NAV2: variants seen among roughly 807,000 people sequenced by gnomAD.
NAV2 encodes the protein helicase, APC down-regulated 1.
A neutral mutation model predicts 223.2 loss-of-function variants in NAV2; 54 were observed. The ratio of observed to expected loss-of-function variants is 0.24; its 90% CI spans 0.19 to 0.30. The LOEUF (loss-of-function observed/expected upper bound fraction) is 0.30. Ranked by LOEUF, NAV2 falls within the 10% of genes least tolerant of loss-of-function variation. The pLI is 1.00. For missense variants in NAV2, 2,806 were observed against 3,147.5 expected (o/e 0.89, Z 2.60); for synonymous variants, 1,279 against 1,239.3 (o/e 1.03, Z -0.67).
chr11:19,728,669 T>C (rs1049683764), intron 1 of NAV2, among the ~76,000 whole-genome samples: 1 of 152,194 alleles, frequency 6.6e-6, no homozygotes, highest in African/African-American at 2.4e-5. Flanking sequence ...AATGCGATCA[T>C]GTGGATGAGG....
intron 1 of NAV2, among the ~76,000 whole-genome samples, chr11:19,467,073 A>G (rs1002600956): frequency 1.3e-5 from 2 of 151,758 alleles, no homozygotes; most frequent in African/African-American, 4.8e-5. Flanking sequence ...ATGGATATCT[A>G]TCTGTAATCC....
chr11:19,499,127 C>T (rs998936584), intron 1 of NAV2, among the ~76,000 whole-genome samples: 13 of 152,200 alleles, frequency 8.5e-5, no homozygotes, highest in African/African-American at 2.9e-4. Flanking sequence ...GTACACCAGG[C>T]AGGCACAGCT....
At chr11:19,585,249 C>G (rs1045804781) in intron 1 of NAV2, among the ~76,000 whole-genome samples, 4 of 152,072 alleles carry the variant, frequency 2.6e-5, no homozygotes, top group Non-Finnish European at 5.9e-5. Context: ...TTCCTCCATC[C>G]CTTTGTTTTG....
At chr11:20,040,520 G>A (rs149985539) in intron 12 of NAV2, among the ~76,000 whole-genome samples, 10 of 152,162 alleles carry the variant, frequency 6.6e-5, no homozygotes, top group Admixed American at 3.3e-4. Flanking sequence ...TGGCAGCACC[G>A]AACACTTGAA....
At chr11:19,452,584 C>A (rs1172620044) in intron 1 of NAV2, among the ~76,000 whole-genome samples, 2 of 152,204 alleles carry the variant, frequency 1.3e-5, no homozygotes, top group African/African-American at 4.8e-5. Context: ...CATCCTAAGT[C>A]AAAAATATGT....
At chr11:19,876,241 T>C (rs900127179) in intron 4 of NAV2, among the ~76,000 whole-genome samples, 1 of 152,146 alleles carries the variant, frequency 6.6e-6, no homozygotes, top group Admixed American at 6.5e-5. Flanking sequence ...TGAGCCAGGC[T>C]GGTTTCAATC....
At chr11:19,530,488 C>T (rs2043997505) in intron 1 of NAV2, among the ~76,000 whole-genome samples, 1 of 152,222 alleles carries the variant, frequency 6.6e-6, no homozygotes, top group Non-Finnish European at 1.5e-5. Flanking sequence ...ATTTCCTCTT[C>T]ATGCCTGAGA....
chr11:19,920,138 A>G (rs1262960063), intron 6 of NAV2, among the ~76,000 whole-genome samples: 1 of 152,196 alleles, frequency 6.6e-6, no homozygotes, highest in East Asian at 1.9e-4. Context: ...TGTCTCAAAA[A>G]ATAAGAAGAG....
At chr11:19,935,844 T>A (rs2045801901) in intron 7 of NAV2, among the ~76,000 whole-genome samples, 1 of 139,442 alleles carries the variant, frequency 7.2e-6, no homozygotes, top group Non-Finnish European at 1.5e-5. Flanking sequence ...TGTTTTGTTT[T>A]GTTTCTGTTT....
chr11:19,754,534 T>C (rs1655326579), intron 1 of NAV2, among the ~76,000 whole-genome samples: 1 of 152,226 alleles, frequency 6.6e-6, no homozygotes, highest in Non-Finnish European at 1.5e-5. Flanking sequence ...CAAACATTTA[T>C]TTATAATGTT....
chr11:19,646,185 T>G (rs1374165521), intron 1 of NAV2, among the ~76,000 whole-genome samples: 1 of 152,208 alleles, frequency 6.6e-6, no homozygotes, highest in African/African-American at 2.4e-5. Flanking sequence ...GCAGAAATGC[T>G]AATGGCCTCT....
At chr11:19,522,540 T>C (rs1185815422) in intron 1 of NAV2, among the ~76,000 whole-genome samples, 1 of 152,170 alleles carries the variant, frequency 6.6e-6, no homozygotes, top group Non-Finnish European at 1.5e-5. Flanking sequence ...AGAGTGCCCC[T>C]GGCCCCTGCT....
At position 20,107,626 on chromosome 11, in the gene NAV2, C is replaced by T. The variant is rs778172398; in HGVS notation, c.6842-38C>T. The T allele has an allele frequency of 6.0e-6, 9 of 1,504,912 alleles. No individual in the cohort carries two copies. The African/African-American group carries it at 9.6e-5, about 16-fold the overall frequency. The allele number at this position is 1,504,912 out of a possible 1,614,324, so 93.2% of individuals were successfully genotyped here. A position where few individuals can be genotyped will look rare whatever the true frequency, so the allele number is the denominator to read the frequency against. ...TCACCTGATGCCCCATCACCCATGC[C>T]CATTTGAGTGCTAATGTATTTTCAC... On this transcript the variant is annotated intron_variant, in intron 35 of 37. Coordinates refer to ENST00000349880, the MANE Select transcript of NAV2 (RefSeq NM_145117.5).
intron 1 of NAV2, 194 bp downstream of exon 1, chr11:19,714,156 G>T (rs1226993972): frequency 2.5e-6 from 2 of 809,022 alleles, no homozygotes; most frequent in Non-Finnish European, 4.1e-6. Context: ...CCCGGGTGCC[G>T]GAGGTTTGCC....
chr11:19,956,954 A>G (rs534733571), intron 10 of NAV2, among the ~76,000 whole-genome samples: 3 of 152,292 alleles, frequency 2.0e-5, no homozygotes, highest in South Asian at 2.1e-4. Flanking sequence ...AAGCCCAGGT[A>G]TGTTTGAAAG....
At chr11:19,946,368 G>T (rs952320915) in intron 8 of NAV2, 33 bp from the exon 9 acceptor site, 5 of 1,584,666 alleles carry the variant, frequency 3.2e-6, no homozygotes, top group South Asian at 1.2e-5. Flanking sequence ...GTTGGTCAGA[G>T]AATTAAACTA....
At chr11:19,801,601 A>G (rs79556950) in intron 1 of NAV2, among the ~76,000 whole-genome samples, 2,250 of 152,290 alleles carry the variant, frequency 0.015, 12 homozygotes, top group Middle Eastern at 0.051. Flanking sequence ...CCTAGCCCTG[A>G]GGATCATGAG....
At chr11:20,079,013 G>C (rs1254803155) in intron 24 of NAV2, among the ~76,000 whole-genome samples, 1 of 152,078 alleles carries the variant, frequency 6.6e-6, no homozygotes, top group Non-Finnish European at 1.5e-5. Flanking sequence ...GTACTGATGA[G>C]GACACTAGTG....
intron 1 of NAV2, among the ~76,000 whole-genome samples, chr11:19,611,980 A>G (rs979620364): frequency 6.6e-6 from 1 of 152,230 alleles, no homozygotes; most frequent in African/African-American, 2.4e-5. Flanking sequence ...TTTTGCCTAG[A>G]CATCCAGGCA....
Sources: gnomAD v4.1 joint callset for allele counts (sites outside exome capture counted in the v4.1 genomes callset) on GRCh38, gnomAD v4.1.1 for gene constraint, MANE v1.5 for transcripts, NCBI Gene and HGNC (gene_info 2026-07-23, HGNC 2026-07-21) for gene names.